The following KATNBL1 variants were observed in gnomAD, a reference collection of about 807,000 sequenced individuals.
KATNBL1 encodes the protein katanin regulatory subunit B1 like 1, also known as KATNB1-like protein 1.
KATNBL1 carries 28 observed loss-of-function variants against 44.7 expected under a neutral mutation model. The ratio of observed to expected loss-of-function variants is 0.63; its 90% CI spans 0.46 to 0.86. KATNBL1 has a LOEUF of 0.86. KATNBL1 is among the 40% of genes least tolerant of loss of function. KATNBL1 has a pLI of 0.00. For missense variants in KATNBL1, 272 were observed against 350.7 expected (o/e 0.78, Z 1.79); for synonymous variants, 78 against 114.9 (o/e 0.68, Z 2.06).
chr15:34,196,148 T>G (rs1890023694), intron 1 of KATNBL1, among the ~76,000 whole-genome samples: 3 of 152,184 alleles, frequency 2.0e-5, no homozygotes, highest in Admixed American at 1.3e-4. Flanking sequence ...CCAGGCGTGG[T>G]GGCTCACACC....
At chr15:34,172,273 T>C (rs1889185543) in intron 1 of KATNBL1, among the ~76,000 whole-genome samples, 1 of 147,356 alleles carries the variant, frequency 6.8e-6, no homozygotes, top group African/African-American at 2.5e-5. Flanking sequence ...TTTTTTTTTT[T>C]TGAGATGGAG....
intron 1 of KATNBL1, among the ~76,000 whole-genome samples, chr15:34,181,079 A>G (rs986770769): frequency 1.3e-5 from 2 of 152,192 alleles, no homozygotes; most frequent in Non-Finnish European, 2.9e-5. Flanking sequence ...AAATCATCCT[A>G]TACAAGTGTT....
In KATNBL1 at chr15:34,170,527, G is replaced by T. The variant is rs545071794; in HGVS notation, c.-14-6837C>A. ...GCCATACTGCCCAAGGTAATTTATA[G>T]ATTCAACGTCATCCCCATCAAGCTA... On this transcript the variant is annotated intron_variant, in intron 1 of 9. Transcript: ENST00000256544. 2.3e-4 allele frequency among the ~76,000 whole-genome samples: 35 copies of T among 152,290 alleles called. 1 individual carries two copies. The highest frequency in any genetic ancestry group is 4.9e-4 in the Non-Finnish European group (33 of 68,038).
chr15:34,179,215 G>A (rs11853345), intron 1 of KATNBL1, among the ~76,000 whole-genome samples: 18,192 of 152,212 alleles, frequency 0.12, 1,200 homozygotes, highest in Non-Finnish European at 0.15. Context: ...CAAGACTGAG[G>A]GGCCCATATC....
intron 1 of KATNBL1, among the ~76,000 whole-genome samples, chr15:34,186,767 G>C (rs185287657): frequency 3.2e-4 from 48 of 152,352 alleles, no homozygotes; most frequent in African/African-American, 1.1e-3. Flanking sequence ...AGCAGGGTTG[G>C]GGCCAAGCCC....
chr15:34,195,420 A>G (rs979352092), intron 1 of KATNBL1, among the ~76,000 whole-genome samples: 1 of 152,158 alleles, frequency 6.6e-6, no homozygotes, highest in Non-Finnish European at 1.5e-5. Context: ...TAGAGAATGG[A>G]GACTCAGAGA....
intron 1 of KATNBL1, among the ~76,000 whole-genome samples, chr15:34,195,976 A>C (rs1436064496): frequency 1.3e-5 from 2 of 152,214 alleles, no homozygotes; most frequent in African/African-American, 2.4e-5. Context: ...CTGATTTTTT[A>C]AACTACGTGT....
At position 34,184,576 on chromosome 15, in the gene KATNBL1, C is replaced by CTTTTCTTTTT. The variant is rs760395860; in HGVS notation, c.-14-20887_-14-20886insAAAAAGAAAA. On this transcript the variant is annotated intron_variant, in intron 1 of 9. Transcript: ENST00000256544. ...ATACTTCCTGTCTCTCCTAATGTTT[C>CTTTTCTTTTT]TTTTTTTTTTTTTTGAGACAGAGTC... is the stretch of plus-strand genomic sequence containing the variant. Among the ~76,000 whole-genome samples, 49 of 95,256 alleles carry CTTTTCTTTTT rather than the reference C, an allele frequency of 5.1e-4. 6 individuals carry two copies. The highest frequency in any genetic ancestry group is 1.8e-3 in the East Asian group (5 of 2,840). The allele number at this position is 95,256 out of a possible 152,430, so 62.5% of individuals were successfully genotyped here.
chr15:34,172,760 G>C (rs867416551), intron 1 of KATNBL1, among the ~76,000 whole-genome samples: 2 of 146,426 alleles, frequency 1.4e-5, no homozygotes, highest in Non-Finnish European at 1.5e-5. Flanking sequence ...CACAGACACA[G>C]ACACACACAC....
intron 1 of KATNBL1, among the ~76,000 whole-genome samples, chr15:34,176,299 A>C (rs1195749918): frequency 6.6e-6 from 1 of 151,404 alleles, no homozygotes; most frequent in Non-Finnish European, 1.5e-5. Context: ...AATTACTTGA[A>C]CCCGGGAGGC....
intron 1 of KATNBL1, among the ~76,000 whole-genome samples, chr15:34,181,849 T>A (rs1402642919): frequency 3.6e-5 from 3 of 83,152 alleles, no homozygotes; most frequent in Non-Finnish European, 7.0e-5. Context: ...TACACATATA[T>A]ATAGTCCATA....
intron 1 of KATNBL1, among the ~76,000 whole-genome samples, chr15:34,188,345 CAGG>C (rs1889782075): frequency 6.6e-6 from 1 of 151,504 alleles, no homozygotes; most frequent in Non-Finnish European, 1.5e-5. Flanking sequence ...CAGTTGAGGC[CAGG>C]AGTTCGAGAT....
chr15:34,165,910 C>T (rs906154515), intron 1 of KATNBL1: 13 of 152,214 alleles, frequency 8.5e-5, no homozygotes, highest in African/African-American at 2.2e-4. Context: ...ATCCCCTAAA[C>T]GTTCAGGAAC....
At position 34,152,919 on chromosome 15, in the gene KATNBL1, T is replaced by G; in HGVS notation, c.309A>C (p.Glu103Asp). 1 of 1,614,120 alleles carries G rather than the reference T, an allele frequency of 6.2e-7. No homozygotes were observed. The highest frequency in any genetic ancestry group is 8.5e-7 in the Non-Finnish European group (1 of 1,179,974). ...CAGGCAGGTGGCCTGCACAAGCCAG[T>G]TCATTTTCTTTATTTGCCATGTCAC... ...GGCDMANKEN[E>D]LACAGHLPEK... The change falls in exon 4 of 10, where the codon GAA (glutamate) becomes GAC (aspartate). Residue 103 changes from glutamate (E) to aspartate (D), a missense_variant. By Grantham distance (45) the Glu-to-Asp change is conservative. Coordinates refer to ENST00000256544, the MANE Select transcript of KATNBL1 (RefSeq NM_024713.3).
chr15:34,167,128 G>T (rs1017561986), intron 1 of KATNBL1, among the ~76,000 whole-genome samples: 1 of 152,112 alleles, frequency 6.6e-6, no homozygotes, highest in Non-Finnish European at 1.5e-5. Flanking sequence ...GCTTCAGAAG[G>T]TCGGTAATAA....
At chr15:34,178,721 A>C (rs1423844685) in intron 1 of KATNBL1, among the ~76,000 whole-genome samples, 1 of 142,274 alleles carries the variant, frequency 7.0e-6, no homozygotes, top group Non-Finnish European at 1.5e-5. Flanking sequence ...GTGCCACTGC[A>C]CTCCAGCCTG....
At chr15:34,187,639 A>G (rs1183991336) in intron 1 of KATNBL1, among the ~76,000 whole-genome samples, 1 of 152,232 alleles carries the variant, frequency 6.6e-6, no homozygotes, top group Non-Finnish European at 1.5e-5. Flanking sequence ...CAGTCCAACT[A>G]TACTTGGCCT....
At chr15:34,187,939 G>T (rs1357435259) in intron 1 of KATNBL1, among the ~76,000 whole-genome samples, 1 of 151,764 alleles carries the variant, frequency 6.6e-6, no homozygotes, top group East Asian at 1.9e-4. Context: ...AGGAGTCTGA[G>T]ACCAGCCTGG....
At chr15:34,152,392 C>T (rs1888508564) in intron 4 of KATNBL1, among the ~76,000 whole-genome samples, 2 of 151,902 alleles carry the variant, frequency 1.3e-5, no homozygotes, top group African/African-American at 4.8e-5. Context: ...TTAGTAGAGG[C>T]AGGGTTTCAC....
Sources: gnomAD v4.1 joint callset for allele counts (sites outside exome capture counted in the v4.1 genomes callset) on GRCh38, gnomAD v4.1.1 for gene constraint, MANE v1.5 for transcripts, NCBI Gene and HGNC (gene_info 2026-07-23, HGNC 2026-07-21) for gene names.